TIAM1: variants seen among roughly 807,000 people sequenced by gnomAD.
The protein encoded by TIAM1 is rho guanine nucleotide exchange factor TIAM1.
Under a neutral mutation model 163.5 loss-of-function variants are expected in TIAM1, and 65 were observed. The ratio of observed to expected loss-of-function variants is 0.40; its 90% CI spans 0.33 to 0.49. TIAM1 has a LOEUF of 0.49. TIAM1 is among the 20% of genes least tolerant of loss of function. The probability of loss-of-function intolerance (pLI) is 0.77; values close to 1 mark genes in which losing one functional copy is unlikely to be tolerated. For missense variants in TIAM1, 1,789 were observed against 2,044.7 expected (o/e 0.87, Z 2.41); for synonymous variants, 833 against 810.1 (o/e 1.03, Z -0.48).
chr21:31,409,547 C>T (rs539654169), intron 2 of TIAM1, among the ~76,000 whole-genome samples: 8 of 152,202 alleles, frequency 5.3e-5, no homozygotes, highest in Non-Finnish European at 1.0e-4. Context: ...CGACTTCCTG[C>T]TCCTTGGATG....
chr21:31,225,175 T>G (rs2087878053), intron 7 of TIAM1, among the ~76,000 whole-genome samples: 1 of 152,060 alleles, frequency 6.6e-6, no homozygotes. Context: ...TTTTTGTATT[T>G]TTTTTGTAGA....
intron 8 of TIAM1, 54 bp downstream of exon 8, chr21:31,223,352 C>T: frequency 6.6e-7 from 1 of 1,525,060 alleles, no homozygotes; most frequent in Non-Finnish European, 8.8e-7. Flanking sequence ...AAGTCCTGCT[C>T]AGGATTAAGC....
chr21:31,557,975 G>T (rs1368190985), intron 1 of TIAM1, among the ~76,000 whole-genome samples: 1 of 152,124 alleles, frequency 6.6e-6, no homozygotes, highest in Non-Finnish European at 1.5e-5. Flanking sequence ...CGCCGAGACG[G>T]CATCTTTCCC....
intron 2 of TIAM1, among the ~76,000 whole-genome samples, chr21:31,415,636 G>A (rs751606134): frequency 2.0e-4 from 30 of 152,168 alleles, no homozygotes; most frequent in African/African-American, 2.9e-4. Flanking sequence ...ACTATATGAA[G>A]AAATGGTAGG....
At chr21:31,340,439 T>G (rs2075978690) in intron 1 of TIAM1, among the ~76,000 whole-genome samples, 1 of 152,122 alleles carries the variant, frequency 6.6e-6, no homozygotes, top group Non-Finnish European at 1.5e-5. Context: ...GCTTAGAAAC[T>G]CCAAGGTCTG....
chr21:31,258,412 G>A (rs2072247383), intron 4 of TIAM1, among the ~76,000 whole-genome samples: 1 of 152,214 alleles, frequency 6.6e-6, no homozygotes, highest in Non-Finnish European at 1.5e-5. Flanking sequence ...TGACAAATGA[G>A]TCCTAGCTAT....
intron 2 of TIAM1, among the ~76,000 whole-genome samples, chr21:31,452,035 A>G (rs537020867): frequency 3.9e-4 from 59 of 152,294 alleles, no homozygotes; most frequent in Non-Finnish European, 7.2e-4. Context: ...AACTTCCAAG[A>G]TTGGCAGACC....
At position 31,210,351 on chromosome 21, in the gene TIAM1, G is replaced by A. The variant is rs1203049134; in HGVS notation, c.2218-136C>T. On this transcript the variant is annotated intron_variant, in intron 10 of 27. Transcript: ENST00000541036. ...AAGCGGAGGCAGTGGTGGGAGGCAG[G>A]GGAACCCTTGGAGAGAGAGAAACTA... 1.8e-5 allele frequency: 15 copies of A among 849,512 alleles called. No homozygotes were observed. The East Asian group carries it at 3.5e-4, about 20-fold the overall frequency. The allele number at this position is 849,512 out of a possible 1,614,324, so 52.6% of individuals were successfully genotyped here.
intron 2 of TIAM1, among the ~76,000 whole-genome samples, chr21:31,381,178 G>C (rs1333022754): frequency 1.3e-5 from 2 of 152,140 alleles, no homozygotes; most frequent in Non-Finnish European, 2.9e-5. Context: ...GAATGCTATG[G>C]ACTGAACATC....
At chr21:31,397,749 G>A (rs1037992789) in intron 2 of TIAM1, among the ~76,000 whole-genome samples, 13 of 152,138 alleles carry the variant, frequency 8.5e-5, no homozygotes, top group Admixed American at 2.0e-4. Context: ...AGAAAGAAAC[G>A]CTTTCATTCC....
intron 23 of TIAM1, among the ~76,000 whole-genome samples, chr21:31,133,523 T>C (rs893084265): frequency 4.6e-5 from 7 of 152,054 alleles, no homozygotes; most frequent in African/African-American, 1.4e-4. Context: ...TAATGTAGAG[T>C]CCACTATCGG....
At chr21:31,359,495 T>C (rs2076367642) in intron 2 of TIAM1, among the ~76,000 whole-genome samples, 3 of 151,830 alleles carry the variant, frequency 2.0e-5, no homozygotes, top group Admixed American at 6.6e-5. Flanking sequence ...GTAGGAGACA[T>C]AGAAAATACA....
At position 31,317,857 on chromosome 21, in the gene TIAM1, A is replaced by C. The variant is rs569721082; in HGVS notation, c.-189+21386T>G. 1.2e-3 allele frequency among the ~76,000 whole-genome samples: 190 copies of C among 152,332 alleles called. 2 individuals are homozygous for C. The highest frequency in any genetic ancestry group is 2.6e-4 in the Non-Finnish European group (18 of 68,028). On this transcript the variant is annotated intron_variant, in intron 2 of 27. Transcript: ENST00000541036. ...TCATCTGTGACTTTCCAATTTTAGG[A>C]CAAAAGTACATGTGCCTACTTGATG...
chr21:31,211,776 T>A (rs1378252168), intron 10 of TIAM1, among the ~76,000 whole-genome samples: 1 of 152,224 alleles, frequency 6.6e-6, no homozygotes, highest in Non-Finnish European at 1.5e-5. Flanking sequence ...CCACATTAAA[T>A]AAATGCCCCT....
At chr21:31,457,888 A>G (rs956866988) in intron 2 of TIAM1, among the ~76,000 whole-genome samples, 2 of 152,206 alleles carry the variant, frequency 1.3e-5, no homozygotes, top group African/African-American at 4.8e-5. Context: ...GGCAGAGGCC[A>G]AGGCTGCACT....
rs71191197 is a variant in TIAM1, at chr21:31,228,220, TAAAAAAAAAAAA to T, written c.1585-2282_1585-2271del. Among the ~76,000 whole-genome samples, 80 of 16,250 alleles carry T rather than the reference TAAAAAAAAAAAA, an allele frequency of 4.9e-3. 1 individual carries two copies. The highest frequency in any genetic ancestry group is 0.011 in the African/African-American group (62 of 5,404). 10.7% of individuals were successfully genotyped at this position (16,250 alleles called of 152,430 possible). A position where few individuals can be genotyped will look rare whatever the true frequency, so the allele number is the denominator to read the frequency against. Reference sequence around the variant, plus strand: ...GCCACCATGCCCGGCCTCCTTTTTTTAAAAAAAAAAAAAAAAAAAAAAAAAAAAAAAAAAAAA... The same window carrying T: ...GCCACCATGCCCGGCCTCCTTTTTTTAAAAAAAAAAAAAAAAAAAAAAAAA... On this transcript the variant is annotated intron_variant, in intron 6 of 27. Coordinates refer to ENST00000541036, the MANE Select transcript of TIAM1 (RefSeq NM_001353694.2).
At position 31,469,756 on chromosome 21, in the gene TIAM1, C is replaced by T. The variant is rs533228996; in HGVS notation, c.-421-5721G>A. On this transcript the variant is annotated intron_variant, in intron 1 of 28. Coordinates refer to the TIAM1 transcript ENST00000286827. The stretch of plus-strand genomic sequence containing the variant: ...CTGAGGCAGAAGAATGGTGTGAACC[C>T]GGGAGGCAGAGCTTGCAGTGAGCCA... Among the ~76,000 whole-genome samples the T allele has an allele frequency of 1.1e-4, 17 of 151,926 alleles. No homozygotes were observed. The East Asian group carries it at 1.8e-3, about 16-fold the overall frequency.
rs185186417 is a variant in TIAM1, at chr21:31,510,839, G to T, written c.-421-46804C>A. ...CAAAAAAAAAAAAACAAAAAAAACT[G>T]TTTACTTTTTATGATCATGTCTTGC... On this transcript the variant is annotated intron_variant, in intron 1 of 28. Transcript: ENST00000286827. Among the ~76,000 whole-genome samples the T allele has an allele frequency of 1.7e-3, 260 of 151,774 alleles. 1 individual carries two copies. Among genetic ancestry groups the T allele is most frequent in the African/African-American group, 5.8e-3 (241 of 41,406 alleles).
intron 1 of TIAM1, among the ~76,000 whole-genome samples, chr21:31,476,158 T>C (rs1602374321): frequency 6.6e-6 from 1 of 152,330 alleles, no homozygotes; most frequent in South Asian, 2.1e-4. Context: ...TTATTTTTGT[T>C]GATTAAACAA....
Sources: gnomAD v4.1 joint callset for allele counts (sites outside exome capture counted in the v4.1 genomes callset) on GRCh38, gnomAD v4.1.1 for gene constraint, MANE v1.5 for transcripts, NCBI Gene and HGNC (gene_info 2026-07-23, HGNC 2026-07-21) for gene names.